Variants in UNC5D observed in about 807,000 individuals in gnomAD.
UNC5D encodes netrin receptor UNC5D.
UNC5D carries 39 observed loss-of-function variants against 105.4 expected under a neutral mutation model. The observed-to-expected ratio is 0.37, with a 90% confidence interval of 0.29 to 0.48. UNC5D has a LOEUF of 0.48. UNC5D is among the 20% of genes least tolerant of loss of function. UNC5D has a pLI of 0.98. For synonymous variants in UNC5D, 452 were observed against 450.4 expected, an observed-to-expected ratio of 1.00 and a Z score of -0.04; for missense variants, 991 against 1,202.4, an observed-to-expected ratio of 0.82 and a Z score of 2.60.
chr8:35,379,605 C>T (rs997877798), intron 1 of UNC5D, among the ~76,000 whole-genome samples: 12 of 152,166 alleles, frequency 7.9e-5, no homozygotes, highest in Admixed American at 4.6e-4. Flanking sequence ...TAAATTCCAC[C>T]GGTGCATCTC....
chr8:35,332,817 A>G (rs903786254), intron 1 of UNC5D, among the ~76,000 whole-genome samples: 3 of 152,186 alleles, frequency 2.0e-5, no homozygotes, highest in African/African-American at 7.2e-5. Context: ...ACTTTGAGGT[A>G]TGGTAAACTG....
At chr8:35,298,586 G>GTTTTTTTTTTT (rs35299004) in intron 1 of UNC5D, among the ~76,000 whole-genome samples, 2 of 110,572 alleles carry the variant, frequency 1.8e-5, no homozygotes, top group Non-Finnish European at 3.5e-5. Flanking sequence ...ATTGTTGTAG[G>GTTTTTTTTTTT]TTTTTTTTTT....
intron 1 of UNC5D, among the ~76,000 whole-genome samples, chr8:35,485,620 G>A (rs185267242): frequency 5.9e-5 from 9 of 152,074 alleles, no homozygotes; most frequent in Admixed American, 4.6e-4. Flanking sequence ...CAAAATACCC[G>A]CGGTACCCCA....
At chr8:35,487,362 ACCT>A (rs1810889149) in intron 1 of UNC5D, among the ~76,000 whole-genome samples, 1 of 152,056 alleles carries the variant, frequency 6.6e-6, no homozygotes, top group Non-Finnish European at 1.5e-5. Context: ...ATATGAAAGG[ACCT>A]CATCCAATCA....
At chr8:35,268,046 G>A (rs1379800571) in intron 1 of UNC5D, among the ~76,000 whole-genome samples, 1 of 152,156 alleles carries the variant, frequency 6.6e-6, no homozygotes, top group Non-Finnish European at 1.5e-5. Flanking sequence ...GAGTTTGGAA[G>A]TGAGTGCATT....
intron 1 of UNC5D, among the ~76,000 whole-genome samples, chr8:35,360,009 G>A (rs1801773786): frequency 6.6e-6 from 1 of 152,092 alleles, no homozygotes; most frequent in Non-Finnish European, 1.5e-5. Flanking sequence ...TTACAAAACA[G>A]TTGCAAAAAC....
At chr8:35,434,022 A>G (rs575090025) in intron 1 of UNC5D, among the ~76,000 whole-genome samples, 2 of 152,062 alleles carry the variant, frequency 1.3e-5, no homozygotes, top group Admixed American at 1.3e-4. Flanking sequence ...TTTATACAAT[A>G]ATTTATTTTA....
intron 1 of UNC5D, among the ~76,000 whole-genome samples, chr8:35,349,971 G>C (rs1812086070): frequency 6.6e-6 from 1 of 151,900 alleles, no homozygotes; most frequent in Admixed American, 6.6e-5. Context: ...TGTCTACATT[G>C]AATTGTCCAC....
chr8:35,634,648 A>C (rs1822245133), intron 4 of UNC5D, among the ~76,000 whole-genome samples: 1 of 152,158 alleles, frequency 6.6e-6, no homozygotes, highest in African/African-American at 2.4e-5. Context: ...GGGGGAAAAA[A>C]CAGACAATGG....
chr8:35,388,107 C>T (rs773952618), intron 1 of UNC5D, among the ~76,000 whole-genome samples: 2 of 151,940 alleles, frequency 1.3e-5, no homozygotes, highest in Non-Finnish European at 2.9e-5. Flanking sequence ...GGTGCGGTGG[C>T]TCAAGCCTGT....
chr8:35,525,555 T>C (rs1254399252), intron 1 of UNC5D: 2 of 1,612,602 alleles, frequency 1.2e-6, no homozygotes, highest in East Asian at 2.2e-5. Flanking sequence ...TGTTCGGTCA[T>C]TAATTATTTC....
At chr8:35,583,087 C>T (rs1370429682) in intron 3 of UNC5D, among the ~76,000 whole-genome samples, 1 of 152,140 alleles carries the variant, frequency 6.6e-6, no homozygotes, top group Non-Finnish European at 1.5e-5. Flanking sequence ...TGCAGTGGCT[C>T]ATGACTATAA....
At chr8:35,559,369 A>G (rs113056904) in intron 2 of UNC5D, among the ~76,000 whole-genome samples, 5 of 152,204 alleles carry the variant, frequency 3.3e-5, no homozygotes, top group African/African-American at 1.2e-4. Context: ...TGGTAAGCCA[A>G]GCATCCTACT....
intron 1 of UNC5D, among the ~76,000 whole-genome samples, chr8:35,508,828 G>A (rs1812501741): frequency 6.6e-6 from 1 of 152,170 alleles, no homozygotes; most frequent in Non-Finnish European, 1.5e-5. Context: ...GTAGAGCTTC[G>A]TTTGCAGTCT....
intron 1 of UNC5D, among the ~76,000 whole-genome samples, chr8:35,483,353 T>G (rs928417523): frequency 1.3e-4 from 20 of 152,166 alleles, no homozygotes; most frequent in African/African-American, 4.8e-4. Context: ...TTTTATGAAT[T>G]TGCATATCTA....
rs142587333 is a variant in UNC5D, at chr8:35,461,772, A to G, written c.104-87520A>G. 5.0e-3 allele frequency among the ~76,000 whole-genome samples: 764 copies of G among 152,288 alleles called. 7 individuals are homozygous for G. Among genetic ancestry groups the G allele is most frequent in the African/African-American group, 0.017 (693 of 41,560 alleles). On this transcript the variant is annotated intron_variant, in intron 1 of 16. Coordinates refer to ENST00000404895, the MANE Select transcript of UNC5D (RefSeq NM_080872.4). Reference sequence around the variant, plus strand: ...TGACAGTAAGGAGAGGGCAGATAACAGTGCTTGGGAAATAACTTGCTTAAG... The same window carrying G: ...TGACAGTAAGGAGAGGGCAGATAACGGTGCTTGGGAAATAACTTGCTTAAG...
intron 4 of UNC5D, among the ~76,000 whole-genome samples, chr8:35,610,890 G>C (rs1047905880): frequency 4.6e-5 from 7 of 151,320 alleles, no homozygotes; most frequent in African/African-American, 1.5e-4. Flanking sequence ...GAACTTTGAA[G>C]CCAACAGACT....
At chr8:35,245,973 T>A (rs980024372) in intron 1 of UNC5D, among the ~76,000 whole-genome samples, 1 of 152,152 alleles carries the variant, frequency 6.6e-6, no homozygotes, top group Non-Finnish European at 1.5e-5. Context: ...ATCACTTCAC[T>A]CTCCATGGTG....
At chr8:35,769,512 T>C (rs758209724) in intron 15 of UNC5D, among the ~76,000 whole-genome samples, 4 of 152,222 alleles carry the variant, frequency 2.6e-5, no homozygotes, top group African/African-American at 4.8e-5. Flanking sequence ...TAACCATTTG[T>C]GTGATGGACT....
Sources: allele counts gnomAD v4.1 joint callset (sites outside exome capture counted in the v4.1 genomes callset), GRCh38; gene constraint gnomAD v4.1.1; transcripts MANE v1.5; gene names NCBI Gene and HGNC (gene_info 2026-07-23, HGNC 2026-07-21).